Variants in PRELID2 observed in about 807,000 individuals in gnomAD.
PRELID2 encodes PRELI domain-containing protein 2.
PRELID2 carries 25 observed loss-of-function variants against 28.4 expected under a neutral mutation model. The ratio of observed to expected loss-of-function variants is 0.88; its 90% CI spans 0.64 to 1.23. PRELID2 has a LOEUF of 1.23. Ranked by LOEUF, PRELID2 falls within the 50% of genes most tolerant of loss-of-function variation. PRELID2 has a pLI of 0.00. For missense variants in PRELID2, 201 were observed against 214.4 expected (o/e 0.94, Z 0.39); for synonymous variants, 76 against 71.6 (o/e 1.06, Z -0.31).
chr5:145,562,584 C>T (rs993112712), intron 1 of PRELID2, among the ~76,000 whole-genome samples: 1 of 152,080 alleles, frequency 6.6e-6, no homozygotes, highest in African/African-American at 2.4e-5. Context: ...TGAATAAGGG[C>T]AGGAATGTAG....
intron 1 of PRELID2, 65 bp downstream of exon 1, chr5:145,835,112 G>C: frequency 1.7e-6 from 2 of 1,144,650 alleles, no homozygotes; most frequent in Middle Eastern, 4.3e-4. Context: ...CGTGGATGAA[G>C]GAGAGGAGAG....
At chr5:145,742,012 T>G (rs1756815899) in intron 1 of PRELID2, among the ~76,000 whole-genome samples, 1 of 4,812 alleles carries the variant, frequency 2.1e-4, no homozygotes, top group African/African-American at 3.6e-4. Context: ...AATAAATTTA[T>G]TATAAGTAAA....
chr5:145,746,982 A>G (rs1757006512), intron 1 of PRELID2, among the ~76,000 whole-genome samples: 1 of 152,194 alleles, frequency 6.6e-6, no homozygotes. Context: ...CTTTGAAACC[A>G]ATGAGAACAA....
the PRELID2 span, among the ~76,000 whole-genome samples, chr5:145,452,632 C>CGTTTA: frequency 6.6e-6 from 1 of 152,060 alleles, no homozygotes; most frequent in Admixed American, 6.6e-5. Context: ...CAAGACTAAA[C>CGTTTA]GTCTTTTGGT....
chr5:145,276,499 T>C, the PRELID2 span, among the ~76,000 whole-genome samples: 24 of 152,280 alleles, frequency 1.6e-4, no homozygotes, highest in Non-Finnish European at 2.9e-4. Flanking sequence ...CTGAAATCAC[T>C]AGCGCCAACA....
chr5:145,451,962 G>C, the PRELID2 span, among the ~76,000 whole-genome samples: 7 of 152,278 alleles, frequency 4.6e-5, no homozygotes, highest in African/African-American at 1.7e-4. Context: ...CAGATTGGAA[G>C]ACCTGGCCCT....
At chr5:145,522,206 C>T (rs990097849) in intron 1 of PRELID2, among the ~76,000 whole-genome samples, 2 of 152,112 alleles carry the variant, frequency 1.3e-5, no homozygotes, top group African/African-American at 4.8e-5. Context: ...TTCATCTCTC[C>T]TTTCTTCAAG....
At chr5:145,306,766 AT>A in the PRELID2 span, among the ~76,000 whole-genome samples, 3 of 152,264 alleles carry the variant, frequency 2.0e-5, no homozygotes, top group African/African-American at 7.2e-5. Flanking sequence ...AATTACGTAT[AT>A]ATGTTAATTT....
intron 1 of PRELID2, among the ~76,000 whole-genome samples, chr5:145,687,505 G>T (rs1313160021): frequency 2.0e-5 from 3 of 152,162 alleles, no homozygotes; most frequent in African/African-American, 7.2e-5. Context: ...TGCAACATGT[G>T]ATCCTGGACT....
chr5:145,289,951 TG>T, the PRELID2 span, among the ~76,000 whole-genome samples: 1 of 152,206 alleles, frequency 6.6e-6, no homozygotes, highest in Admixed American at 6.5e-5. Context: ...TTGGGTTGTT[TG>T]TTTTCTTATC....
intron 1 of PRELID2, among the ~76,000 whole-genome samples, chr5:145,495,751 C>A (rs1052777299): frequency 1.3e-5 from 2 of 152,092 alleles, no homozygotes; most frequent in Non-Finnish European, 2.9e-5. Context: ...ATTAATAATG[C>A]TAGATTTAAT....
At chr5:145,504,691 T>C (rs574917087) in intron 1 of PRELID2, among the ~76,000 whole-genome samples, 1 of 152,308 alleles carries the variant, frequency 6.6e-6, no homozygotes, top group East Asian at 1.9e-4. Flanking sequence ...TCATTTGTTG[T>C]CTTCTAATCA....
chr5:145,600,434 A>AAAAATATATATATATATATATATATATAT (rs1315631607), intron 1 of PRELID2, among the ~76,000 whole-genome samples: 1 of 120,114 alleles, frequency 8.3e-6, no homozygotes, highest in African/African-American at 4.1e-5. Context: ...AAAAAAAAAA[A>AAAAATATATATATATATATATATATATAT]ATATATATAT....
rs546830712 is a variant in PRELID2 at position 145,641,698 on chromosome 5, A to G, written n.70+123233T>C. Among the ~76,000 whole-genome samples the G allele has an allele frequency of 8.5e-5, 13 of 152,278 alleles. No homozygotes were observed. In the East Asian group the frequency reaches 2.3e-3, roughly 27 times the overall value. On this transcript the variant is annotated intron_variant and non_coding_transcript_variant, in intron 1 of 2. Transcript: ENST00000510259. ...GGGCCCTGACAGGCCCTGGTGTGTG[A>G]TGTTCCCCTCCCTGTGTTCCTGTGT...
intron 1 of PRELID2, among the ~76,000 whole-genome samples, chr5:145,532,840 C>T (rs1356338068): frequency 6.6e-6 from 1 of 152,046 alleles, no homozygotes; most frequent in Non-Finnish European, 1.5e-5. Flanking sequence ...GTATATATGA[C>T]ATTTTCTTTA....
At chr5:145,274,574 C>T in the PRELID2 span, among the ~76,000 whole-genome samples, 14 of 152,078 alleles carry the variant, frequency 9.2e-5, no homozygotes, top group Non-Finnish European at 1.8e-4. Context: ...GGCAGGGAGG[C>T]TTACATAATT....
the PRELID2 span, among the ~76,000 whole-genome samples, chr5:145,415,227 CTCTT>C: frequency 7.9e-5 from 12 of 151,834 alleles, no homozygotes; most frequent in African/African-American, 2.7e-4. Context: ...TCCTGAATGA[CTCTT>C]TTTTTTGTTG....
At chr5:145,336,681 T>G in the PRELID2 span, among the ~76,000 whole-genome samples, 2 of 152,060 alleles carry the variant, frequency 1.3e-5, no homozygotes, top group Non-Finnish European at 2.9e-5. Flanking sequence ...ATTGCAGCAC[T>G]ATTCACAATA....
intron 5 of PRELID2, among the ~76,000 whole-genome samples, chr5:145,788,374 G>C (rs548323293): frequency 2.3e-4 from 35 of 152,020 alleles, no homozygotes; most frequent in Non-Finnish European, 4.9e-4. Flanking sequence ...TCTTCTATTG[G>C]CCACCACGGG....
Sources: gnomAD v4.1 joint callset for allele counts (sites outside exome capture counted in the v4.1 genomes callset) on GRCh38, gnomAD v4.1.1 for gene constraint, MANE v1.5 for transcripts, NCBI Gene and HGNC (gene_info 2026-07-23, HGNC 2026-07-21) for gene names.